Variants in RALYL observed in about 807,000 individuals in gnomAD.
RALYL encodes RNA-binding Raly-like protein.
A neutral mutation model predicts 35.1 loss-of-function variants in RALYL; 29 were observed. That is an observed-to-expected ratio of 0.83 (90% CI 0.61 to 1.13). The LOEUF is 1.13. RALYL is among the 50% of genes most tolerant of loss of function. RALYL has a pLI of 0.00. For synonymous variants in RALYL, 120 were observed against 127.6 expected (o/e 0.94, Z 0.40); for missense variants, 359 against 360.4 (o/e 1.00, Z 0.03).
At chr8:84,315,534 T>C (rs1417887713) in intron 1 of RALYL, among the ~76,000 whole-genome samples, 1 of 152,048 alleles carries the variant, frequency 6.6e-6, no homozygotes, top group African/African-American at 2.4e-5. Flanking sequence ...TAGGAAACTT[T>C]CACTGAGTAA....
intron 3 of RALYL, among the ~76,000 whole-genome samples, chr8:84,793,489 C>A (rs569664751): frequency 6.6e-6 from 1 of 152,274 alleles, no homozygotes; most frequent in African/African-American, 2.4e-5. Context: ...TTGAATCCAT[C>A]GGGTTTGGTG....
intron 1 of RALYL, among the ~76,000 whole-genome samples, chr8:84,364,310 T>A (rs1408803513): frequency 6.6e-6 from 1 of 152,192 alleles, no homozygotes; most frequent in Non-Finnish European, 1.5e-5. Flanking sequence ...GAATCAATTA[T>A]AAATTATACT....
At chr8:84,848,282 G>C (rs1835063171) in intron 4 of RALYL, among the ~76,000 whole-genome samples, 1 of 151,906 alleles carries the variant, frequency 6.6e-6, no homozygotes, top group South Asian at 2.1e-4. Flanking sequence ...TAAAGAAAAA[G>C]TGATATGTAT....
chr8:84,632,232 G>C (rs138078096), intron 2 of RALYL, among the ~76,000 whole-genome samples: 181 of 151,996 alleles, frequency 1.2e-3, no homozygotes, highest in Non-Finnish European at 2.3e-3. Flanking sequence ...CCAGGCTCCA[G>C]AACTGTAAGA....
chr8:84,481,864 A>C (rs1372141229), intron 1 of RALYL, among the ~76,000 whole-genome samples: 1 of 152,154 alleles, frequency 6.6e-6, no homozygotes, highest in African/African-American at 2.4e-5. Context: ...AGTGGTAGAA[A>C]TGTTCTATAT....
rs114822167 is a variant in RALYL, at chr8:84,449,449, C to T, written c.-23-79850C>T. Among the ~76,000 whole-genome samples, 669 of 152,088 alleles carry T rather than the reference C, an allele frequency of 4.4e-3. 6 individuals are homozygous for T. The highest frequency in any genetic ancestry group is 0.015 in the African/African-American group (625 of 41,522). ...TCATTTATGGTTGTATTGTGCCTTC[C>T]ACCTTAAGTGTCCCTGTATGTTGTT... On this transcript the variant is annotated intron_variant, in intron 1 of 8. Transcript: ENST00000521268.
At chr8:84,793,555 A>T (rs1181691776) in intron 3 of RALYL, among the ~76,000 whole-genome samples, 2 of 152,198 alleles carry the variant, frequency 1.3e-5, no homozygotes, top group African/African-American at 4.8e-5. Context: ...GGGATGTAGA[A>T]TTATAAACCT....
At chr8:84,780,750 C>G (rs1298892886) in intron 3 of RALYL, among the ~76,000 whole-genome samples, 1 of 152,082 alleles carries the variant, frequency 6.6e-6, no homozygotes, top group Admixed American at 6.6e-5. Flanking sequence ...ATTTAAGGAG[C>G]CTGCAACTAT....
intron 1 of RALYL, among the ~76,000 whole-genome samples, chr8:84,396,924 C>T (rs1007599399): frequency 6.6e-6 from 1 of 151,860 alleles, no homozygotes; most frequent in Admixed American, 6.6e-5. Flanking sequence ...AGAATATCCC[C>T]CCCGCCCCAT....
chr8:84,204,957 T>A (rs1447772738), intron 1 of RALYL, among the ~76,000 whole-genome samples: 1 of 152,162 alleles, frequency 6.6e-6, no homozygotes, highest in Admixed American at 6.5e-5. Flanking sequence ...AACTGGAGGC[T>A]CACTGGGCCT....
intron 1 of RALYL, among the ~76,000 whole-genome samples, chr8:84,223,921 A>G (rs2053243): frequency 0.4 from 60,094 of 151,990 alleles, 12,028 homozygotes; most frequent in Non-Finnish European, 0.43. Flanking sequence ...AAGGAATCAG[A>G]TACCCAACAC....
chr8:84,418,159 C>A (rs2044956040), intron 1 of RALYL, among the ~76,000 whole-genome samples: 1 of 152,088 alleles, frequency 6.6e-6, no homozygotes, highest in Non-Finnish European at 1.5e-5. Flanking sequence ...ATAGGGCATC[C>A]TCAAACAGCA....
chr8:84,402,422 G>C (rs1053849960), intron 1 of RALYL, among the ~76,000 whole-genome samples: 1 of 152,118 alleles, frequency 6.6e-6, no homozygotes, highest in African/African-American at 2.4e-5. Flanking sequence ...TAGACTACCT[G>C]ATGATAATAA....
At chr8:84,228,780 C>T (rs569967904) in intron 1 of RALYL, among the ~76,000 whole-genome samples, 1 of 152,104 alleles carries the variant, frequency 6.6e-6, no homozygotes. Flanking sequence ...GCAGAAGGCA[C>T]CTATTCACAG....
intron 2 of RALYL, among the ~76,000 whole-genome samples, chr8:84,614,746 C>A (rs967385433): frequency 6.7e-6 from 1 of 149,788 alleles, no homozygotes; most frequent in Non-Finnish European, 1.5e-5. Context: ...AGAGCTAAGA[C>A]TACAGTCAGA....
intron 4 of RALYL, among the ~76,000 whole-genome samples, chr8:84,825,099 A>G (rs1829384066): frequency 6.6e-6 from 1 of 152,136 alleles, no homozygotes; most frequent in Non-Finnish European, 1.5e-5. Flanking sequence ...CACAAACTAT[A>G]TATCTGACAA....
At chr8:84,279,969 T>G (rs1836223869) in intron 1 of RALYL, among the ~76,000 whole-genome samples, 1 of 152,180 alleles carries the variant, frequency 6.6e-6, no homozygotes, top group African/African-American at 2.4e-5. Flanking sequence ...GGGCAGAGTT[T>G]TTCAGCCTAC....
At chr8:84,747,188 A>C (rs987878834) in intron 2 of RALYL, among the ~76,000 whole-genome samples, 1 of 151,748 alleles carries the variant, frequency 6.6e-6, no homozygotes, top group African/African-American at 2.4e-5. Flanking sequence ...AGAAGGCATG[A>C]TTGTTTTCTC....
At chr8:84,787,867 T>C (rs1440032127) in intron 3 of RALYL, among the ~76,000 whole-genome samples, 1 of 152,106 alleles carries the variant, frequency 6.6e-6, no homozygotes, top group Non-Finnish European at 1.5e-5. Flanking sequence ...TTTGATGGGG[T>C]TGTTTTTTTC....
Sources: gnomAD v4.1 joint callset for allele counts (sites outside exome capture counted in the v4.1 genomes callset) on GRCh38, gnomAD v4.1.1 for gene constraint, MANE v1.5 for transcripts, NCBI Gene and HGNC (gene_info 2026-07-23, HGNC 2026-07-21) for gene names.